The following SYNPO2 variants were observed in gnomAD, a reference collection of about 807,000 sequenced individuals.
SYNPO2 encodes synaptopodin 2.
A neutral mutation model predicts 85.0 loss-of-function variants in SYNPO2; 56 were observed. The observed-to-expected ratio is 0.66, with a 90% CI of 0.53 to 0.82. The LOEUF (loss-of-function observed/expected upper bound fraction) is 0.82. Among genes scored for constraint, SYNPO2 ranks in the 40% least tolerant of loss-of-function variants. SYNPO2 has a pLI of 0.00. For synonymous variants in SYNPO2, 602 were observed against 591.1 expected (o/e 1.02, Z -0.27); for missense variants, 1,575 against 1,534.2 (o/e 1.03, Z -0.44).
At chr4:119,019,514 T>C (rs1169585938) in intron 1 of SYNPO2, among the ~76,000 whole-genome samples, 1 of 152,096 alleles carries the variant, frequency 6.6e-6, no homozygotes, top group Non-Finnish European at 1.5e-5. Flanking sequence ...CATTGAGTCA[T>C]AATATTGTCT....
At chr4:118,890,167 GT>G (rs397958530) in intron 1 of SYNPO2, among the ~76,000 whole-genome samples, 146 of 134,564 alleles carry the variant, frequency 1.1e-3, no homozygotes, top group Non-Finnish European at 1.6e-3. Flanking sequence ...TGCCTTTTAC[GT>G]TTTTTTTTTT....
At chr4:119,024,467 C>G (rs1254379307) in intron 2 of SYNPO2, among the ~76,000 whole-genome samples, 1 of 152,092 alleles carries the variant, frequency 6.6e-6, no homozygotes, top group Non-Finnish European at 1.5e-5. Context: ...ACAGTTACCC[C>G]TCTGCTAATC....
At chr4:118,903,660 A>G (rs1732831562) in intron 1 of SYNPO2, among the ~76,000 whole-genome samples, 1 of 152,096 alleles carries the variant, frequency 6.6e-6, no homozygotes, top group Non-Finnish European at 1.5e-5. Flanking sequence ...GGATCCTAAA[A>G]TTATGTATTT....
At chr4:119,019,111 A>T (rs904274842) in intron 1 of SYNPO2, among the ~76,000 whole-genome samples, 44 of 152,230 alleles carry the variant, frequency 2.9e-4, no homozygotes, top group African/African-American at 9.9e-4. Flanking sequence ...ACTTTTGGGT[A>T]CTGGGCTTAA....
chr4:118,955,946 AAT>A (rs1734860041), intron 1 of SYNPO2, among the ~76,000 whole-genome samples: 1 of 152,234 alleles, frequency 6.6e-6, no homozygotes, highest in Admixed American at 6.5e-5. Flanking sequence ...CCTAGAATTT[AAT>A]AGATATGTGT....
chr4:119,052,462 C>T (rs1286904218), intron 4 of SYNPO2, among the ~76,000 whole-genome samples: 1 of 152,230 alleles, frequency 6.6e-6, no homozygotes, highest in African/African-American at 2.4e-5. Context: ...AAATGTCCCT[C>T]TCTGGGCCTG....
chr4:118,925,466 C>T (rs1022110942), intron 1 of SYNPO2, among the ~76,000 whole-genome samples: 1 of 152,040 alleles, frequency 6.6e-6, no homozygotes, highest in African/African-American at 2.4e-5. Context: ...TTATTATCGT[C>T]ACCTATGTCT....
intron 1 of SYNPO2, chr4:118,850,943 A>G (rs1263268033): frequency 5.0e-6 from 2 of 398,550 alleles, no homozygotes; most frequent in South Asian, 1.3e-4. Context: ...TTACACAGGT[A>G]GGAAGAGAAG....
In SYNPO2 at chr4:119,031,718, T is replaced by G. The variant is rs778198857; in HGVS notation, c.2943T>G (p.Pro981=). ...ATGCATCCTTGTTTACTTTCCAACCTCCAGATGCAAAGGATGGCCTCCCCC... is the reference window on the plus strand; with the variant it reads ...ATGCATCCTTGTTTACTTTCCAACCGCCAGATGCAAAGGATGGCCTCCCCC... ...QLNASLFTFQ[P]PDAKDGLPQK... The change falls in exon 4 of 5, where the codon CCT becomes CCG. Residue 981 remains proline (P), a synonymous_variant. Transcript: ENST00000307142. The G allele has an allele frequency of 3.7e-6, 6 of 1,614,066 alleles. No individual in the cohort carries two copies. Among genetic ancestry groups the G allele is most frequent in the Non-Finnish European group, 5.1e-6 (6 of 1,180,036 alleles).
At chr4:119,035,726 G>A (rs1436166517) in intron 4 of SYNPO2, 15 of 982,592 alleles carry the variant, frequency 1.5e-5, no homozygotes, top group Admixed American at 6.4e-5. Context: ...AGAAAGTGCC[G>A]ACTTCTTTCA....
At chr4:119,040,138 G>T (rs1738662220) in intron 4 of SYNPO2, among the ~76,000 whole-genome samples, 1 of 152,208 alleles carries the variant, frequency 6.6e-6, no homozygotes, top group African/African-American at 2.4e-5. Flanking sequence ...CTGGCACAGA[G>T]AAAGTATTCA....
At chr4:118,869,639 G>GA (rs571914089) in intron 1 of SYNPO2, among the ~76,000 whole-genome samples, 1 of 151,766 alleles carries the variant, frequency 6.6e-6, no homozygotes, top group African/African-American at 2.4e-5. Flanking sequence ...TGAAGGGCAG[G>GA]AAAAAAAACT....
At chr4:119,035,896 G>A (rs1464506899) in intron 4 of SYNPO2, 3 of 984,860 alleles carry the variant, frequency 3.0e-6, no homozygotes, top group Non-Finnish European at 3.6e-6. Context: ...CCTATTTGCA[G>A]TTACAAGGTT....
chr4:118,966,636 A>G (rs908855548), intron 1 of SYNPO2, among the ~76,000 whole-genome samples: 1 of 152,196 alleles, frequency 6.6e-6, no homozygotes, highest in Non-Finnish European at 1.5e-5. Flanking sequence ...ATAGCTATGT[A>G]TCATATATAT....
rs201135815 is a variant in SYNPO2 at position 119,057,446 on chromosome 4, C to A, written c.3298C>A (p.Pro1100Thr). Reference sequence around the variant, plus strand: ...TCTTCCTGGAAGATCAGTCCCACCCCCCATTTCTACATCTCCTTGGGTATA... The same window carrying A: ...TCTTCCTGGAAGATCAGTCCCACCCACCATTTCTACATCTCCTTGGGTATA... Reference protein sequence around the residue: ...LSLPGRSVPPPISTSPWVYQP... With the variant: ...LSLPGRSVPPTISTSPWVYQP... Residue 1100 changes from proline (P) to threonine (T), a missense_variant, in exon 5 of 5, where the codon CCC (proline) becomes ACC (threonine). Coordinates refer to ENST00000307142, the MANE Select transcript of SYNPO2 (RefSeq NM_133477.3). The A allele has an allele frequency of 1.2e-6, 2 of 1,613,288 alleles. No homozygotes were observed. The highest frequency in any genetic ancestry group is 8.5e-7 in the Non-Finnish European group (1 of 1,179,742).
chr4:118,989,763 T>C (rs1331599355), intron 1 of SYNPO2, among the ~76,000 whole-genome samples: 1 of 152,134 alleles, frequency 6.6e-6, no homozygotes, highest in Non-Finnish European at 1.5e-5. Flanking sequence ...AATAAGTGGA[T>C]GTACTAAGAG....
chr4:118,871,613 G>A (rs1731801834), intron 1 of SYNPO2, among the ~76,000 whole-genome samples: 1 of 145,752 alleles, frequency 6.9e-6, no homozygotes, highest in South Asian at 2.1e-4. Context: ...CTGTCACCCA[G>A]GCTGGAGTGC....
Position 119,027,098 on chromosome 4 carries a change from G to C in SYNPO2, c.729G>C (p.Ser243=), listed in dbSNP as rs758145204. Residue 243 remains serine (S), a synonymous_variant, in exon 3 of 5, where the codon TCG becomes TCC. Coordinates refer to ENST00000307142, the MANE Select transcript of SYNPO2 (RefSeq NM_133477.3). ...ATGACAGGATTGTCCACATAAATTC[G>C]ATCCCTACTAATGAGAAAGCAGACC... ...LSHDRIVHIN[S]IPTNEKADPF... 3 of 1,613,936 alleles carry C rather than the reference G, an allele frequency of 1.9e-6. No homozygotes were observed. The African/African-American group carries it at 4.0e-5, about 22-fold the overall frequency.
In SYNPO2 at chr4:118,989,997, G is replaced by A. The variant is rs998201500; in HGVS notation, c.106-33433G>A. On this transcript the variant is annotated intron_variant, in intron 1 of 4. Coordinates refer to ENST00000307142, the MANE Select transcript of SYNPO2 (RefSeq NM_133477.3). ...ATATACATGGCCTCTGCCCCTAAAG[G>A]TGAGACATATTTGTAAACAGATACA... Among the ~76,000 whole-genome samples the A allele has an allele frequency of 1.3e-5, 2 of 152,330 alleles. 1 individual carries two copies. The highest frequency in any genetic ancestry group is 4.1e-4 in the South Asian group (2 of 4,830).
Sources: allele counts gnomAD v4.1 joint callset (sites outside exome capture counted in the v4.1 genomes callset), GRCh38; gene constraint gnomAD v4.1.1; transcripts MANE v1.5; gene names NCBI Gene and HGNC (gene_info 2026-07-23, HGNC 2026-07-21).